Variants in ZNF385D observed in about 807,000 individuals in gnomAD.
ZNF385D encodes zinc finger protein 385D, also known as zinc finger protein 659.
A neutral mutation model predicts 35.8 loss-of-function variants in ZNF385D; 15 were observed. That is an observed-to-expected ratio of 0.42 (90% CI 0.28 to 0.64). The LOEUF (loss-of-function observed/expected upper bound fraction) is 0.64. Among genes scored for constraint, ZNF385D ranks in the 30% least tolerant of loss-of-function variants. The pLI, the probability that ZNF385D is intolerant of heterozygous loss-of-function variation, is 0.23. For missense variants in ZNF385D, 474 were observed against 494.6 expected, an observed-to-expected ratio of 0.96 and a Z score of 0.39; for synonymous variants, 212 against 186.8, an observed-to-expected ratio of 1.13 and a Z score of -1.10.
chr3:21,598,067 T>C (rs2064174268), intron 2 of ZNF385D, among the ~76,000 whole-genome samples: 1 of 152,206 alleles, frequency 6.6e-6, no homozygotes, highest in African/African-American at 2.4e-5. Context: ...ATAGAATACC[T>C]ATAGCAAACA....
At chr3:22,082,991 T>G (rs1423403678) in intron 3 of ZNF385D, among the ~76,000 whole-genome samples, 1 of 152,226 alleles carries the variant, frequency 6.6e-6, no homozygotes, top group Non-Finnish European at 1.5e-5. Context: ...GGATGCTGAC[T>G]GTTAGAAGAA....
At chr3:21,989,743 CT>C (rs1255384116) in intron 3 of ZNF385D, among the ~76,000 whole-genome samples, 1 of 152,038 alleles carries the variant, frequency 6.6e-6, no homozygotes, top group Non-Finnish European at 1.5e-5. Context: ...GAATGTTCTC[CT>C]CATCTAAGCG....
intron 3 of ZNF385D, among the ~76,000 whole-genome samples, chr3:21,801,941 C>T (rs774583291): frequency 1.3e-5 from 2 of 152,120 alleles, no homozygotes; most frequent in Non-Finnish European, 2.9e-5. Context: ...CTAATGAAGC[C>T]ATGGGTGTTT....
chr3:21,981,265 T>C (rs530572943), intron 3 of ZNF385D, among the ~76,000 whole-genome samples: 4 of 152,306 alleles, frequency 2.6e-5, no homozygotes, highest in Admixed American at 6.5e-5. Context: ...CTATTCTGAC[T>C]GGTATAAGAT....
At chr3:21,586,100 A>G (rs6550610) in intron 2 of ZNF385D, among the ~76,000 whole-genome samples, 32,565 of 152,048 alleles carry the variant, frequency 0.21, 4,033 homozygotes, top group African/African-American at 0.34. Flanking sequence ...CAACTACTTG[A>G]AAGGCTAAGA....
At chr3:22,267,937 CA>C (rs763601384) in intron 2 of ZNF385D, among the ~76,000 whole-genome samples, 73 of 152,020 alleles carry the variant, frequency 4.8e-4, no homozygotes, top group Non-Finnish European at 8.5e-4. Flanking sequence ...AAGCAAACCC[CA>C]AACCCTGAGG....
At chr3:22,087,973 A>C (rs1701133052) in intron 3 of ZNF385D, among the ~76,000 whole-genome samples, 1 of 152,190 alleles carries the variant, frequency 6.6e-6, no homozygotes, top group Non-Finnish European at 1.5e-5. Flanking sequence ...GGAAAGGTTT[A>C]GGGTTGTTAC....
chr3:21,919,757 G>A (rs1700363174), intron 3 of ZNF385D, among the ~76,000 whole-genome samples: 1 of 152,122 alleles, frequency 6.6e-6, no homozygotes. Flanking sequence ...ACACACTTAG[G>A]ACAATGCCAA....
intron 3 of ZNF385D, among the ~76,000 whole-genome samples, chr3:21,537,124 CT>C (rs35873199): frequency 0.036 from 3,433 of 94,932 alleles, 53 homozygotes; most frequent in African/African-American, 0.063. Flanking sequence ...AAAATATCAA[CT>C]TTTTTTTTTT....
At chr3:21,917,329 A>G (rs1412455403) in intron 3 of ZNF385D, among the ~76,000 whole-genome samples, 1 of 152,048 alleles carries the variant, frequency 6.6e-6, no homozygotes, top group Non-Finnish European at 1.5e-5. Flanking sequence ...CTACTCAGAA[A>G]GCCGAGGCAA....
In ZNF385D at chr3:21,980,857, G is replaced by A. The variant is rs547574334; in HGVS notation, c.325+187960C>T. 1.7e-4 allele frequency among the ~76,000 whole-genome samples: 26 copies of A among 152,190 alleles called. 2 individuals carry two copies. Among genetic ancestry groups the A allele is most frequent in the Admixed American group, 7.2e-4 (11 of 15,266 alleles). On this transcript the variant is annotated intron_variant, in intron 3 of 5. Transcript: ENST00000494108. ...TTGAGTTAGTTTGCTAAGGATAATA[G>A]CCTCCAGTTCCATCTATATTCCTGC...
rs1218310163 is a variant in ZNF385D at position 21,436,995 on chromosome 3, G to C, written c.648C>G (p.Ala216=). Residue 216 remains alanine, a synonymous_variant, in exon 5 of 8, where the codon GCC becomes GCG. Coordinates refer to ENST00000281523, the MANE Select transcript of ZNF385D (RefSeq NM_024697.3). ...CACTGTTGTGCGCCTCCAGCTGCGA[G>C]GCAGAGTTGACAGCAACCTTGCATA... ...CSLCKVAVNS[A]SQLEAHNSGT... is the part of the protein sequence containing the mutation. 2 of 1,613,900 alleles carry C rather than the reference G, an allele frequency of 1.2e-6. No homozygotes were observed. The highest frequency in any genetic ancestry group is 1.7e-6 in the Non-Finnish European group (2 of 1,179,854).
intron 4 of ZNF385D, among the ~76,000 whole-genome samples, chr3:21,447,356 T>TG (rs1190886559): frequency 1.2e-5 from 1 of 86,276 alleles, no homozygotes; most frequent in Non-Finnish European, 2.4e-5. Flanking sequence ...TAGGGCAGAA[T>TG]GAAAAAAAAG....
intron 3 of ZNF385D, among the ~76,000 whole-genome samples, chr3:22,005,983 T>C (rs574091522): frequency 1.3e-5 from 2 of 152,224 alleles, no homozygotes; most frequent in Non-Finnish European, 2.9e-5. Context: ...TTTCTCTCTC[T>C]CTCTCACTCT....
At chr3:21,641,862 A>G (rs1233212170) in intron 2 of ZNF385D, among the ~76,000 whole-genome samples, 3 of 152,044 alleles carry the variant, frequency 2.0e-5, no homozygotes, top group Non-Finnish European at 2.9e-5. Flanking sequence ...AACTAAGGGC[A>G]TTCTAAAATA....
At chr3:21,897,296 G>C in intron 3 of ZNF385D, among the ~76,000 whole-genome samples, 1 of 152,058 alleles carries the variant, frequency 6.6e-6, no homozygotes, top group Admixed American at 6.6e-5. Context: ...CATTGCCTGG[G>C]TGACTGATAT....
chr3:21,702,712 A>G (rs770237418), intron 1 of ZNF385D, among the ~76,000 whole-genome samples: 18 of 152,166 alleles, frequency 1.2e-4, no homozygotes, highest in Non-Finnish European at 8.8e-5. Flanking sequence ...GCTGCTTAGA[A>G]ATTTCTTCCA....
chr3:22,083,514 A>T (rs1700869335), intron 3 of ZNF385D, among the ~76,000 whole-genome samples: 1 of 151,938 alleles, frequency 6.6e-6, no homozygotes, highest in African/African-American at 2.4e-5. Flanking sequence ...AAATGAAGTG[A>T]GAAGAGAAGT....
chr3:22,006,742 G>C (rs1696233450), intron 3 of ZNF385D, among the ~76,000 whole-genome samples: 2 of 151,834 alleles, frequency 1.3e-5, no homozygotes, highest in African/African-American at 4.8e-5. Flanking sequence ...ATAAAAATTG[G>C]ATAAAATATA....
Sources: gnomAD v4.1 joint callset for allele counts (sites outside exome capture counted in the v4.1 genomes callset) on GRCh38, gnomAD v4.1.1 for gene constraint, MANE v1.5 for transcripts, NCBI Gene and HGNC (gene_info 2026-07-23, HGNC 2026-07-21) for gene names.